The following GLIS1 variants were observed in gnomAD, a reference collection of about 807,000 sequenced individuals.
GLIS1 encodes the protein zinc finger protein GLIS1.
Under a neutral mutation model 63.8 loss-of-function variants are expected in GLIS1, and 24 were observed. That is an observed-to-expected ratio of 0.38 (90% CI 0.27 to 0.53). The LOEUF is 0.53. Among genes scored for constraint, GLIS1 ranks in the 20% least tolerant of loss-of-function variants. GLIS1 has a pLI of 0.85. For missense variants in GLIS1, 1,036 were observed against 1,074.1 expected (o/e 0.96, Z 0.50); for synonymous variants, 450 against 482.5 (o/e 0.93, Z 0.88).
intron 6 of GLIS1, among the ~76,000 whole-genome samples, chr1:53,524,182 G>A (rs764119509): frequency 6.6e-6 from 1 of 152,178 alleles, no homozygotes; most frequent in Admixed American, 6.5e-5. Flanking sequence ...CCAAAGGCAC[G>A]TACGTGCCTG....
intron 2 of GLIS1, among the ~76,000 whole-genome samples, chr1:53,609,266 CTTTT>C (rs1221426769): frequency 1.2e-5 from 1 of 81,408 alleles, no homozygotes; most frequent in South Asian, 5.3e-4. Context: ...GGGTTTAAAT[CTTTT>C]TTTTTTTTTT....
chr1:53,728,048 T>C lies in GLIS1; in HGVS notation c.259+9758A>G, dbSNP rs188241382. 3.9e-5 allele frequency among the ~76,000 whole-genome samples: 6 copies of C among 152,326 alleles called. No homozygotes were observed. The East Asian group carries it at 9.6e-4, about 24-fold the overall frequency. ...GGCTGTACTTCATTCCCAAACTTCC[T>C]GGACACTCACTTGGAGCCAGCCCTG... On this transcript the variant is annotated intron_variant, in intron 2 of 10. Transcript: ENST00000628545.
chr1:53,506,750 A>T lies in GLIS1; in HGVS notation c.2257T>A (p.Cys753Ser), dbSNP rs1378458849. Residue 753 changes from cysteine (C) to serine (S), a missense_variant, in exon 11 of 11, where the codon TGC becomes AGC. Transcript: ENST00000628545. ...TGYEALAEAS[C>S]PTALPQQPSE... ...GGCTGCTGTGGCAGCGCTGTGGGGC[A>T]TGAGGCCTCAGCCAGGGCCTCATAG... The T allele has an allele frequency of 6.2e-7, 1 of 1,612,094 alleles. No homozygotes were observed.
chr1:53,671,831 A>C (rs891087495), intron 2 of GLIS1, among the ~76,000 whole-genome samples: 1 of 152,216 alleles, frequency 6.6e-6, no homozygotes, highest in Admixed American at 6.5e-5. Context: ...GGTTTGCTTA[A>C]GTTCACAAAG....
intron 2 of GLIS1, among the ~76,000 whole-genome samples, chr1:53,610,464 A>G (rs1645414295): frequency 6.6e-6 from 1 of 152,226 alleles, no homozygotes; most frequent in African/African-American, 2.4e-5. Context: ...CTAAGTTGGC[A>G]GTTATCTTCT....
Position 53,506,598 on chromosome 1 carries a change from C to G in GLIS1, c.*21G>C, listed in dbSNP as rs757249363. ...GGTGGCATCTGCAGTGCTGGATGGGCAGGCGCATGTGGGGGCTCCTTCAGG... is the reference window on the plus strand; with the variant it reads ...GGTGGCATCTGCAGTGCTGGATGGGGAGGCGCATGTGGGGGCTCCTTCAGG... On this transcript the variant is annotated 3_prime_UTR_variant, in exon 11 of 11. Coordinates refer to ENST00000628545, the MANE Select transcript of GLIS1 (RefSeq NM_001367484.1). 9 of 1,611,426 alleles carry G rather than the reference C, an allele frequency of 5.6e-6. No individual in the cohort carries two copies. The Admixed American group carries it at 1.5e-4, about 27-fold the overall frequency.
chr1:53,685,476 C>T (rs951748231), intron 2 of GLIS1, among the ~76,000 whole-genome samples: 26 of 152,330 alleles, frequency 1.7e-4, no homozygotes, highest in African/African-American at 4.6e-4. Flanking sequence ...AGAGCCTAAT[C>T]GACCCTGGCT....
intron 6 of GLIS1, among the ~76,000 whole-genome samples, chr1:53,522,967 T>TTTTTC (rs1364577175): frequency 2.5e-5 from 3 of 118,000 alleles, no homozygotes; most frequent in South Asian, 6.7e-4. Flanking sequence ...TTGTAGTTTC[T>TTTTTC]TTTTCTTTTC....
intron 2 of GLIS1, among the ~76,000 whole-genome samples, chr1:53,660,964 G>A (rs1033657968): frequency 6.6e-6 from 1 of 152,194 alleles, no homozygotes; most frequent in Non-Finnish European, 1.5e-5. Flanking sequence ...GATGGGATGT[G>A]TGCTGGCAGA....
intron 2 of GLIS1, among the ~76,000 whole-genome samples, chr1:53,695,732 G>A (rs577454667): frequency 2.6e-5 from 4 of 152,266 alleles, no homozygotes; most frequent in South Asian, 2.1e-4. Flanking sequence ...GAAGTGTGCC[G>A]CACCGGGACC....
At position 53,601,608 on chromosome 1, in the gene GLIS1, C is replaced by T. The variant is rs186758136; in HGVS notation, c.260-1330G>A. ...CATCCCCACTGCTGTCCAAGGGAGG[C>T]CTGAGTCTCACTATCCTCATTTTAC... On this transcript the variant is annotated intron_variant, in intron 2 of 10. Transcript: ENST00000628545. Among the ~76,000 whole-genome samples the T allele has an allele frequency of 4.7e-3, 718 of 152,244 alleles. 1 individual carries two copies. Among genetic ancestry groups the T allele is most frequent in the Non-Finnish European group, 7.6e-3 (516 of 68,014 alleles).
At chr1:53,685,544 C>T (rs1431744148) in intron 2 of GLIS1, among the ~76,000 whole-genome samples, 1 of 152,246 alleles carries the variant, frequency 6.6e-6, no homozygotes, top group African/African-American at 2.4e-5. Context: ...ATCTGATTAG[C>T]AGGCTGACTC....
intron 6 of GLIS1, among the ~76,000 whole-genome samples, chr1:53,522,877 G>A (rs547798914): frequency 1.3e-5 from 2 of 152,192 alleles, no homozygotes; most frequent in African/African-American, 4.8e-5. Flanking sequence ...TCGTGCCACT[G>A]TATTCCAGCC....
intron 2 of GLIS1, among the ~76,000 whole-genome samples, chr1:53,628,460 C>T (rs61775442): frequency 3.5e-4 from 53 of 152,162 alleles, no homozygotes; most frequent in Admixed American, 3.0e-3. Context: ...GAATGCCCAC[C>T]TTGTACAGCA....
intron 2 of GLIS1, among the ~76,000 whole-genome samples, chr1:53,731,365 A>G (rs956643752): frequency 1.1e-4 from 17 of 152,158 alleles, no homozygotes; most frequent in African/African-American, 4.1e-4. Context: ...GTTGGCTGAG[A>G]CTGAGAAAGG....
At chr1:53,644,319 C>A (rs1445643766) in intron 2 of GLIS1, among the ~76,000 whole-genome samples, 1 of 152,202 alleles carries the variant, frequency 6.6e-6, no homozygotes, top group African/African-American at 2.4e-5. Flanking sequence ...ATTTATCATA[C>A]AACCTGACAT....
Position 53,539,651 on chromosome 1 carries a change from C to T in GLIS1, c.1321-9699G>A, listed in dbSNP as rs1175442846. Among the ~76,000 whole-genome samples the T allele has an allele frequency of 6.6e-6, 1 of 152,078 alleles. No homozygotes were observed. The highest frequency in any genetic ancestry group is 1.5e-5 in the Non-Finnish European group (1 of 67,998). On this transcript the variant is annotated intron_variant, in intron 4 of 10. Coordinates refer to ENST00000628545, the MANE Select transcript of GLIS1 (RefSeq NM_001367484.1). The surrounding 1 kb of genome is among the most constrained non-coding windows in gnomAD (Gnocchi z 5.0). ...GGACACACATGTTCACACATATACC[C>T]AAAGACGTCCAAGCCCCAGACCTGC... is the stretch of plus-strand genomic sequence containing the variant.
At chr1:53,555,431 G>A (rs1458297281) in intron 4 of GLIS1, among the ~76,000 whole-genome samples, 1 of 152,184 alleles carries the variant, frequency 6.6e-6, no homozygotes, top group African/African-American at 2.4e-5. Flanking sequence ...TCGGGAGGCT[G>A]AGGCAGGAGA....
At chr1:53,570,398 G>A (rs777992836) in intron 4 of GLIS1, among the ~76,000 whole-genome samples, 4 of 152,054 alleles carry the variant, frequency 2.6e-5, no homozygotes, top group Admixed American at 6.5e-5. Flanking sequence ...CTGGTATTAC[G>A]AGTGTAAGCC....
Sources: allele counts gnomAD v4.1 joint callset (sites outside exome capture counted in the v4.1 genomes callset), GRCh38; gene constraint gnomAD v4.1.1; non-coding constraint Gnocchi (gnomAD v3.1); transcripts MANE v1.5; gene names NCBI Gene and HGNC (gene_info 2026-07-23, HGNC 2026-07-21).